Variants in SGSM1 observed in about 807,000 individuals in gnomAD.
SGSM1 encodes the protein small G protein signaling modulator 1, also known as RUN and TBC1 domain containing 2.
In SGSM1, 73 loss-of-function variants were observed where a neutral mutation model predicts 133.8. The ratio of observed to expected loss-of-function variants is 0.55; its 90% confidence interval spans 0.45 to 0.66. The LOEUF is 0.66. SGSM1 is among the 30% of genes least tolerant of loss of function. The probability of loss-of-function intolerance (pLI) is 0.00; values close to 1 mark genes in which losing one functional copy is unlikely to be tolerated. For synonymous variants in SGSM1, 563 were observed against 573.0 expected, an observed-to-expected ratio of 0.98 and a Z score of 0.25; for missense variants, 1,213 against 1,448.1, an observed-to-expected ratio of 0.84 and a Z score of 2.64.
rs143063670 is a variant in SGSM1 at position 24,883,044 on chromosome 22, C to T, written c.1496-1009C>T. 9.2e-3 allele frequency among the ~76,000 whole-genome samples: 1,387 copies of T among 151,486 alleles called. 19 individuals are homozygous for T. Among genetic ancestry groups the T allele is most frequent in the African/African-American group, 0.031 (1,295 of 41,178 alleles). On this transcript the variant is annotated intron_variant, in intron 14 of 24. Transcript: ENST00000400358. ...TCCGGAGTAGCTGGGACTACAGGTG[C>T]CGGCCACCATGAGCTAATTTTTTTG...
At chr22:24,907,869 G>A (rs1194417213) in intron 21 of SGSM1, among the ~76,000 whole-genome samples, 5 of 125,948 alleles carry the variant, frequency 4.0e-5, no homozygotes, top group African/African-American at 1.3e-4. Flanking sequence ...CTGAGATCGC[G>A]CCACTGCACT....
At chr22:24,850,202 CA>C in intron 4 of SGSM1, 77 bp from the exon 5 acceptor site, 1 of 1,374,778 alleles carries the variant, frequency 7.3e-7, no homozygotes, top group South Asian at 1.4e-5. Context: ...AGAGATTGAA[CA>C]TTCTCCCATT....
chr22:24,849,718 C>T (rs190627336), intron 4 of SGSM1, among the ~76,000 whole-genome samples: 48 of 152,280 alleles, frequency 3.2e-4, no homozygotes, highest in African/African-American at 9.1e-4. Flanking sequence ...GCAATGCCCT[C>T]GCTGAGACTT....
rs561646110 is a variant in SGSM1, at chr22:24,878,291, T to C, written c.1431-1171T>C. On this transcript the variant is annotated intron_variant, in intron 13 of 24. Coordinates refer to ENST00000400358, the MANE Select transcript of SGSM1 (RefSeq NM_001098497.3). Reference sequence around the variant, plus strand: ...TCCGTGGACCAGTGAGAAAGGCTGCTATAACCCATTGCCCCCTCTCCTGTT... The same window carrying C: ...TCCGTGGACCAGTGAGAAAGGCTGCCATAACCCATTGCCCCCTCTCCTGTT... Among the ~76,000 whole-genome samples, 4 of 152,172 alleles carry C rather than the reference T, an allele frequency of 2.6e-5. No homozygotes were observed. The South Asian group carries it at 8.3e-4, about 32-fold the overall frequency.
chr22:24,906,672 C>T (rs1933391618), intron 21 of SGSM1, among the ~76,000 whole-genome samples: 1 of 152,232 alleles, frequency 6.6e-6, no homozygotes, highest in African/African-American at 2.4e-5. Flanking sequence ...GTGACTCATG[C>T]CTGTAATCCC....
intron 9 of SGSM1, among the ~76,000 whole-genome samples, chr22:24,861,572 C>G (rs1490062694): frequency 6.6e-6 from 1 of 151,554 alleles, no homozygotes; most frequent in Non-Finnish European, 1.5e-5. Context: ...TTTTGAGACA[C>G]TGCCTCGCTC....
rs760506123 is a variant in SGSM1 at position 24,886,654 on chromosome 22, G to A, written c.1696G>A (p.Glu566Lys). The change falls in exon 16 of 25, where the codon GAG becomes AAG. Residue 566 changes from glutamate to lysine, a missense_variant. Glu to Lys is a moderately conservative substitution (Grantham distance 56, BLOSUM62 1). Coordinates refer to ENST00000400358, the MANE Select transcript of SGSM1 (RefSeq NM_001098497.3). Reference sequence around the variant, plus strand: ...CATCTACTACGGGGGCATCCAGCCTGAGATCCGCAAGGCCGTGTGGCCCTT... The same window carrying A: ...CATCTACTACGGGGGCATCCAGCCTAAGATCCGCAAGGCCGTGTGGCCCTT... ...RLIYYGGIQP[E>K]IRKAVWPFLL... 6 of 1,560,624 alleles carry A rather than the reference G, an allele frequency of 3.8e-6. 1 individual carries two copies. In the South Asian group the frequency reaches 7.1e-5, roughly 18 times the overall value.
chr22:24,927,050 T>C lies in SGSM1; in HGVS notation c.*2776T>C, dbSNP rs1175435579. 1 of 152,164 alleles carries C rather than the reference T, an allele frequency of 6.6e-6. No homozygotes were observed. The highest frequency in any genetic ancestry group is 2.4e-5 in the African/African-American group (1 of 41,434). The allele number at this position is 152,164 out of a possible 1,614,324, so 9.4% of individuals were successfully genotyped here. ...ACCACAAGTAATGCTGCATTACAAA[T>C]GACCCAAAAAGTAGTGGTTTAAAAC... is the stretch of plus-strand genomic sequence containing the variant. On this transcript the variant is annotated 3_prime_UTR_variant, in exon 25 of 25. Coordinates refer to ENST00000400358, the MANE Select transcript of SGSM1 (RefSeq NM_001098497.3).
chr22:24,904,362 T>G (rs576602595), intron 20 of SGSM1, among the ~76,000 whole-genome samples: 1 of 152,106 alleles, frequency 6.6e-6, no homozygotes, highest in Admixed American at 6.6e-5. Context: ...GGGCGGGTCA[T>G]GAGGTCAGGA....
intron 2 of SGSM1, among the ~76,000 whole-genome samples, chr22:24,809,998 G>A (rs1022831424): frequency 2.0e-5 from 3 of 152,160 alleles, no homozygotes; most frequent in Non-Finnish European, 2.9e-5. Flanking sequence ...TTTTGTACAT[G>A]CAGAAGCTTT....
rs555070266 is a variant in SGSM1 at position 24,810,350 on chromosome 22, T to C, written c.63+3866T>C. Among the ~76,000 whole-genome samples the C allele has an allele frequency of 4.4e-4, 67 of 152,072 alleles. 1 individual carries two copies. The East Asian group carries it at 0.012, about 28-fold the overall frequency. On this transcript the variant is annotated intron_variant, in intron 2 of 24. Coordinates refer to ENST00000400358, the MANE Select transcript of SGSM1 (RefSeq NM_001098497.3). ...CTCCAGGGCAAGCATCCTTTTTTTTTTTCCCTCTGTCCTCGGTACCACCAA... is the reference window on the plus strand; with the variant it reads ...CTCCAGGGCAAGCATCCTTTTTTTTCTTCCCTCTGTCCTCGGTACCACCAA...
intron 2 of SGSM1, among the ~76,000 whole-genome samples, chr22:24,837,425 A>G (rs1316163486): frequency 6.6e-6 from 1 of 152,218 alleles, no homozygotes; most frequent in Non-Finnish European, 1.5e-5. Context: ...AGGATGAAAC[A>G]TGAAGGCAGA....
At chr22:24,911,793 G>A (rs9620458) in intron 21 of SGSM1, among the ~76,000 whole-genome samples, 93 of 152,290 alleles carry the variant, frequency 6.1e-4, no homozygotes, top group African/African-American at 2.0e-3. Flanking sequence ...GGTGGCTCAC[G>A]CCTTTAATCC....
rs1601920446 is a variant in SGSM1 at position 24,850,343 on chromosome 22, C to G, written c.366C>G (p.Ser122=). The G allele has an allele frequency of 6.2e-7, 1 of 1,613,838 alleles. No individual in the cohort carries two copies. Among genetic ancestry groups the G allele is most frequent in the Non-Finnish European group, 8.5e-7 (1 of 1,179,856 alleles). The change falls in exon 5 of 25, where the codon TCC becomes TCG. Residue 122 remains serine, a synonymous_variant. Coordinates refer to ENST00000400358, the MANE Select transcript of SGSM1 (RefSeq NM_001098497.3). ...AGCTGCCGAAGCTGCCCAACTTGTC[C>G]CCACTTGCCATCAAGCATCTGTGGA... ...VRKLPKLPNL[S]PLAIKHLWIR... is the part of the protein sequence containing the mutation.
chr22:24,886,566 G>T, intron 15 of SGSM1, 34 bp from the exon 16 acceptor site: 1 of 1,545,912 alleles, frequency 6.5e-7, no homozygotes, highest in South Asian at 1.2e-5. Context: ...GTTTTCTGTT[G>T]ACCAAACTCT....
intron 24 of SGSM1, among the ~76,000 whole-genome samples, chr22:24,923,468 T>C (rs78051845): frequency 0.021 from 3,186 of 152,270 alleles, 114 homozygotes; most frequent in African/African-American, 0.073. Flanking sequence ...TTTTTTTCTT[T>C]GGTTTTTTTG....
chr22:24,903,208 C>CTT (rs879539226), intron 20 of SGSM1, among the ~76,000 whole-genome samples: 3 of 143,230 alleles, frequency 2.1e-5, no homozygotes, highest in Non-Finnish European at 3.1e-5. Context: ...TATGAATGTA[C>CTT]TTTTTTTTTT....
chr22:24,825,531 A>G (rs1928746860), intron 2 of SGSM1, among the ~76,000 whole-genome samples: 2 of 152,128 alleles, frequency 1.3e-5, no homozygotes, highest in Non-Finnish European at 2.9e-5. Context: ...CTGGGTTCAC[A>G]CGATTCTCCT....
chr22:24,881,591 C>CAAAACA (rs1555930463), intron 14 of SGSM1, among the ~76,000 whole-genome samples: 1 of 149,938 alleles, frequency 6.7e-6, no homozygotes, highest in Non-Finnish European at 1.5e-5. Flanking sequence ...CAAAACAAAA[C>CAAAACA]AAAAAAAACC....
Sources: gnomAD v4.1 joint callset for allele counts (sites outside exome capture counted in the v4.1 genomes callset) on GRCh38, gnomAD v4.1.1 for gene constraint, MANE v1.5 for transcripts, NCBI Gene and HGNC (gene_info 2026-07-23, HGNC 2026-07-21) for gene names.